The following RPGRIP1L variants were observed in gnomAD, a reference collection of about 807,000 sequenced individuals.
RPGRIP1L encodes protein fantom.
RPGRIP1L carries 131 observed loss-of-function variants against 160.4 expected under a neutral mutation model. The observed-to-expected ratio is 0.82, with a 90% CI of 0.71 to 0.94. RPGRIP1L has a LOEUF of 0.94. Among genes scored for constraint, RPGRIP1L ranks in the 40% least tolerant of loss-of-function variants. RPGRIP1L has a pLI of 0.00. For missense variants in RPGRIP1L, 1,522 were observed against 1,535.8 expected (o/e 0.99, Z 0.15); for synonymous variants, 510 against 515.8 (o/e 0.99, Z 0.15).
At chr16:53,702,374 G>A (rs1971494329) in intron 1 of RPGRIP1L, among the ~76,000 whole-genome samples, 1 of 152,180 alleles carries the variant, frequency 6.6e-6, no homozygotes, top group South Asian at 2.1e-4. Context: ...ATATCTTACA[G>A]TGCTTAGGAG....
chr16:53,641,067 A>G lies in RPGRIP1L; in HGVS notation c.2924T>C (p.Val975Ala), dbSNP rs2151056877. Residue 975 changes from valine (V) to alanine (A), a missense_variant, in exon 19 of 27, where the codon GTA becomes GCA. Transcript: ENST00000647211. ...RQRLTPVDKKVSFVDIMPHQS... is the reference protein window; with the variant it reads ...RQRLTPVDKKASFVDIMPHQS... ...ATGTGGCATGATATCCACGAAAGAT[A>G]CCTTCTTATCTACAGGTGTTAAACG... The G allele has an allele frequency of 4.3e-6, 7 of 1,613,822 alleles. No homozygotes were observed. Among genetic ancestry groups the G allele is most frequent in the Non-Finnish European group, 5.9e-6 (7 of 1,179,818 alleles).
In RPGRIP1L at chr16:53,692,160, G is replaced by A; in HGVS notation, c.435C>T (p.Tyr145=). The change falls in exon 4 of 27, where the codon TAC becomes TAT. Residue 145 remains tyrosine, a synonymous_variant. Coordinates refer to ENST00000647211, the MANE Select transcript of RPGRIP1L (RefSeq NM_015272.5). ...SAKQQLQTQG[Y]RQTPYNNVQS... is the part of the protein sequence containing the mutation. ...GTACATTATTGTATGGAGTTTGCCTGTAACCCTGGGTTTGAAGTTGCTGTT... is the reference window on the plus strand; with the variant it reads ...GTACATTATTGTATGGAGTTTGCCTATAACCCTGGGTTTGAAGTTGCTGTT... 6.2e-7 allele frequency: 1 copy of A among 1,613,984 alleles called. No homozygotes were observed. The highest frequency in any genetic ancestry group is 8.5e-7 in the Non-Finnish European group (1 of 1,179,994).
chr16:53,660,413 AAT>A (rs148092208), intron 10 of RPGRIP1L, among the ~76,000 whole-genome samples: 4,792 of 152,300 alleles, frequency 0.031, 161 homozygotes, highest in East Asian at 0.14. Context: ...TTTAAACAAA[AAT>A]ATGTTTCTGA....
intron 16 of RPGRIP1L, among the ~76,000 whole-genome samples, chr16:53,648,721 C>A (rs1440061729): frequency 6.6e-6 from 1 of 150,796 alleles, no homozygotes; most frequent in Admixed American, 6.6e-5. Context: ...TAGTATTGTC[C>A]CGATTTTGAA....
chr16:53,601,673 T>G lies in RPGRIP1L; in HGVS notation c.*403A>C. The G allele has an allele frequency of 4.9e-6, 1 of 204,690 alleles. No individual in the cohort carries two copies. The allele number at this position is 204,690 out of a possible 1,614,324, so 12.7% of individuals were successfully genotyped here. On this transcript the variant is annotated 3_prime_UTR_variant, in exon 27 of 27. Transcript: ENST00000647211. ...ATAGGCATTCCATTTAGTGGGACGA[T>G]TAGGGATAACATAAAAGTATTTCTT...
At chr16:53,671,650 C>T in intron 8 of RPGRIP1L, 67 bp from the exon 9 acceptor site, 1 of 783,130 alleles carries the variant, frequency 1.3e-6, no homozygotes, top group South Asian at 1.7e-5. Flanking sequence ...TAAAAAAAAA[C>T]ATTAAAAAAC....
Position 53,638,343 on chromosome 16 carries a change from T to C in RPGRIP1L, c.3027A>G (p.Glu1009=). ...CATGTGGAACAGTCAGCATATTAATTTCTATTTCTGGTATATGCTCTACCT... is the reference window on the plus strand; with the variant it reads ...CATGTGGAACAGTCAGCATATTAATCTCTATTTCTGGTATATGCTCTACCT... The part of the protein sequence containing the change: ...SPEVEHIPEI[E]INMLTVPHVP... The change falls in exon 20 of 27, where the codon GAA becomes GAG. Residue 1009 remains glutamate (E), a synonymous_variant. Transcript: ENST00000647211. 1 of 1,596,266 alleles carries C rather than the reference T, an allele frequency of 6.3e-7. No individual in the cohort carries two copies. The highest frequency in any genetic ancestry group is 8.6e-7 in the Non-Finnish European group (1 of 1,164,272).
intron 25 of RPGRIP1L, among the ~76,000 whole-genome samples, chr16:53,609,992 T>C (rs2077568184): frequency 6.6e-6 from 1 of 152,028 alleles, no homozygotes; most frequent in Non-Finnish European, 1.5e-5. Flanking sequence ...AACTTGAGTC[T>C]CCTAAGGCGG....
intron 10 of RPGRIP1L, among the ~76,000 whole-genome samples, chr16:53,660,763 C>T (rs955483862): frequency 4.6e-5 from 7 of 151,284 alleles, no homozygotes; most frequent in Non-Finnish European, 5.9e-5. Flanking sequence ...CATGGTGGCA[C>T]GTGCCTGTAA....
At chr16:53,637,464 C>A (rs1965912273) in intron 21 of RPGRIP1L, among the ~76,000 whole-genome samples, 1 of 152,090 alleles carries the variant, frequency 6.6e-6, no homozygotes, top group South Asian at 2.1e-4. Context: ...ACATGGTCAG[C>A]AATAACACTT....
At position 53,605,476 on chromosome 16, in the gene RPGRIP1L, C is replaced by T. The variant is rs754798360; in HGVS notation, c.3835+5G>A. On this transcript the variant is annotated splice_donor_5th_base_variant and intron_variant, in intron 26 of 26. Transcript: ENST00000647211. ...GCACAAACTGAGCAACACTTTCACCCATACCATCGATATTTTGCTCAATGA... is the reference window on the plus strand; with the variant it reads ...GCACAAACTGAGCAACACTTTCACCTATACCATCGATATTTTGCTCAATGA... 1.4e-5 allele frequency: 22 copies of T among 1,614,108 alleles called. No individual in the cohort carries two copies. The highest frequency in any genetic ancestry group is 1.9e-5 in the Non-Finnish European group (22 of 1,179,990).
At position 53,696,307 on chromosome 16, in the gene RPGRIP1L, C is replaced by T. The variant is rs755027637; in HGVS notation, c.86-12G>A. The stretch of plus-strand genomic sequence containing the variant: ...TGTTGTTGAAGTTTCTGCAAAAATG[C>T]CAAGATAATTAATTGTGAGGTTACT... On this transcript the variant is annotated splice_polypyrimidine_tract_variant and intron_variant, in intron 2 of 26. Transcript: ENST00000647211. 8 of 1,613,442 alleles carry T rather than the reference C, an allele frequency of 5.0e-6. No homozygotes were observed. The highest frequency in any genetic ancestry group is 6.8e-6 in the Non-Finnish European group (8 of 1,179,582).
intron 22 of RPGRIP1L, among the ~76,000 whole-genome samples, chr16:53,634,022 T>C (rs1015330449): frequency 2.6e-5 from 4 of 152,212 alleles, no homozygotes; most frequent in Non-Finnish European, 5.9e-5. Context: ...TAGAAATTTA[T>C]TTCTCAGAGT....
chr16:53,606,157 A>G (rs1389484380), intron 25 of RPGRIP1L, among the ~76,000 whole-genome samples: 1 of 152,232 alleles, frequency 6.6e-6, no homozygotes, highest in Non-Finnish European at 1.5e-5. Flanking sequence ...CCCAACAGCT[A>G]TATCAAATGT....
At position 53,695,418 on chromosome 16, in the gene RPGRIP1L, T is replaced by C. The variant is rs761017593; in HGVS notation, c.230+733A>G. On this transcript the variant is annotated intron_variant, in intron 3 of 26. Transcript: ENST00000647211. ...GGATGGATTCTAAGCAGAAAAACCC[T>C]ATTTTCATTCTTCAATGGTTGTCTC... is the stretch of plus-strand genomic sequence containing the variant. 4.0e-5 allele frequency: 28 copies of C among 702,898 alleles called. No individual in the cohort carries two copies. In the Middle Eastern group the frequency reaches 6.8e-4, roughly 17 times the overall value. The allele number at this position is 702,898 out of a possible 1,614,324, so 43.5% of individuals were successfully genotyped here. A position where few individuals can be genotyped will look rare whatever the true frequency, so the allele number is the denominator to read the frequency against.
intron 19 of RPGRIP1L, among the ~76,000 whole-genome samples, chr16:53,638,734 T>TA (rs756748082): frequency 2.0e-5 from 3 of 151,796 alleles, no homozygotes; most frequent in Non-Finnish European, 2.9e-5. Context: ...GAGTTCTGTG[T>TA]AACTGTGAAA....
intron 6 of RPGRIP1L, among the ~76,000 whole-genome samples, chr16:53,678,579 T>C (rs977598861): frequency 6.6e-6 from 1 of 151,986 alleles, no homozygotes; most frequent in African/African-American, 2.4e-5. Flanking sequence ...CAACATTTCA[T>C]TCCTTGCTAC....
rs777525986 is a variant in RPGRIP1L at position 53,605,419 on chromosome 16, A to G, written c.3835+62T>C. On this transcript the variant is annotated intron_variant, in intron 26 of 26. Coordinates refer to ENST00000647211, the MANE Select transcript of RPGRIP1L (RefSeq NM_015272.5). ...TGGAGCCAGCAAAAAGAAGGTTTTAATAAAGAGTTTGGAGTTCAGCAATTG... is the reference window on the plus strand; with the variant it reads ...TGGAGCCAGCAAAAAGAAGGTTTTAGTAAAGAGTTTGGAGTTCAGCAATTG... The G allele has an allele frequency of 8.8e-6, 14 of 1,598,082 alleles. No homozygotes were observed. In the South Asian group the frequency reaches 1.3e-4, roughly 15 times the overall value.
chr16:53,611,073 T>G, intron 24 of RPGRIP1L, 22 bp from the exon 25 acceptor site: 1 of 1,532,974 alleles, frequency 6.5e-7, no homozygotes, highest in Non-Finnish European at 9.0e-7. Flanking sequence ...GAAAAAAAAA[T>G]GCCAAAAAGG....
Sources: gnomAD v4.1 joint callset for allele counts (sites outside exome capture counted in the v4.1 genomes callset) on GRCh38, gnomAD v4.1.1 for gene constraint, MANE v1.5 for transcripts, NCBI Gene and HGNC (gene_info 2026-07-23, HGNC 2026-07-21) for gene names.